Variants in OR10H5 observed in about 807,000 individuals in gnomAD.
OR10H5 encodes olfactory receptor 10H5.
OR10H5 carries 7 observed loss-of-function variants against 12.2 expected under a neutral mutation model. The observed-to-expected ratio is 0.57, with a 90% CI of 0.33 to 1.07. The LOEUF is 1.07. OR10H5 is among the 50% of genes least tolerant of loss of function. The pLI is 0.04. For missense variants in OR10H5, 346 were observed against 411.6 expected (o/e 0.84, Z 1.38); for synonymous variants, 159 against 175.1 (o/e 0.91, Z 0.73).
rs550712516 is a variant in OR10H5, at chr19:15,793,683, C to A, written c.-11-355C>A. 1.1e-4 allele frequency among the ~76,000 whole-genome samples: 16 copies of A among 152,148 alleles called. No individual in the cohort carries two copies. The South Asian group carries it at 2.9e-3, about 28-fold the overall frequency. On this transcript the variant is annotated intron_variant, in intron 1 of 1. Coordinates refer to ENST00000642092, the MANE Select transcript of OR10H5 (RefSeq NM_001004466.2). ...ATCACCTGAGGTCAGGAGTTCGAGA[C>A]CAGCCTGGCCAACATGCTGAAACCC...
At position 15,799,374 on chromosome 19, in the gene OR10H5, G is replaced by A. The variant is rs1407820036; in HGVS notation, c.*4378G>A. 6.6e-6 allele frequency: 1 copy of A among 151,864 alleles called. No homozygotes were observed. Among genetic ancestry groups the A allele is most frequent in the African/African-American group, 2.4e-5 (1 of 41,328 alleles). The allele number at this position is 151,864 out of a possible 1,614,324, so 9.4% of individuals were successfully genotyped here. On this transcript the variant is annotated 3_prime_UTR_variant, in exon 2 of 2. Transcript: ENST00000642092. ...GGGGTATTAGAAGACACTGGCTTTT[G>A]GCAAGAGGAGTCTAGATTCCAGGTT...
rs570575098 is a variant in OR10H5 at position 15,799,426 on chromosome 19, G to A, written c.*4430G>A. The A allele has an allele frequency of 6.6e-6, 1 of 152,164 alleles. No homozygotes were observed. Among genetic ancestry groups the A allele is most frequent in the Non-Finnish European group, 1.5e-5 (1 of 68,014 alleles). The allele number at this position is 152,164 out of a possible 1,614,324, so 9.4% of individuals were successfully genotyped here. ...GGTGCTAACTGACAAAGTATCTTGC[G>A]GCAGGTAGAAATAATCAGTTTTCTT... is the stretch of plus-strand genomic sequence containing the variant. On this transcript the variant is annotated 3_prime_UTR_variant, in exon 2 of 2. Coordinates refer to ENST00000642092, the MANE Select transcript of OR10H5 (RefSeq NM_001004466.2).
At position 15,794,545 on chromosome 19, in the gene OR10H5, T is replaced by C. The variant is rs1600085575; in HGVS notation, c.497T>C (p.Leu166Pro). ...GTGGTGACCTCGGCCATTTTCCACC[T>C]CGCCTTCTGTGGACACAAGGAGATC... ...GMVVTSAIFH[L>P]AFCGHKEIHH... Residue 166 changes from leucine (L) to proline (P), a missense_variant, in exon 2 of 2, where the codon CTC (leucine) becomes CCC (proline). By Grantham distance (98) the Leu-to-Pro change is moderately conservative. Transcript: ENST00000642092. 4 of 1,614,212 alleles carry C rather than the reference T, an allele frequency of 2.5e-6. No homozygotes were observed. In the Admixed American group the frequency reaches 6.7e-5, roughly 27 times the overall value.
intron 1 of OR10H5, among the ~76,000 whole-genome samples, chr19:15,789,786 C>CCT (rs2088801028): frequency 7.3e-6 from 1 of 137,646 alleles, no homozygotes. Context: ...CTTTTCTTTT[C>CCT]TTTTTTTTTT....
Position 15,794,752 on chromosome 19 carries a change from G to A in OR10H5, c.704G>A (p.Arg235Gln), listed in dbSNP as rs763522556. Reference protein sequence around the residue: ...AILKIPSAEGRNKAFSTCASH... With the variant: ...AILKIPSAEGQNKAFSTCASH... The stretch of plus-strand genomic sequence containing the variant: ...TTGAAGATCCCTTCTGCTGAAGGTC[G>A]GAACAAGGCCTTCTCCACCTGTGCC... The change falls in exon 2 of 2, where the codon CGG becomes CAG. Residue 235 changes from arginine to glutamine, a missense_variant. Transcript: ENST00000642092. 7.6e-5 allele frequency: 123 copies of A among 1,613,114 alleles called. 1 individual carries two copies. In the South Asian group the frequency reaches 1.1e-3, roughly 15 times the overall value.
At chr19:15,792,209 T>A (rs562495547) in intron 1 of OR10H5, among the ~76,000 whole-genome samples, 1,568 of 150,058 alleles carry the variant, frequency 0.01, 16 homozygotes, top group Non-Finnish European at 0.016. Context: ...TTCATTATCA[T>A]TTTTTTATTC....
Position 15,794,687 on chromosome 19 carries a change from C to A in OR10H5, c.639C>A (p.Leu213=). ...TCACGGCCCTGCTGGGCTGTTTTCT[C>A]CTCATCCTCCTCTCCTATGCCTTCA... ...VCITALLGCF[L]LILLSYAFIV... Residue 213 remains leucine, a synonymous_variant, in exon 2 of 2, where the codon CTC becomes CTA. Transcript: ENST00000642092. 6.2e-7 allele frequency: 1 copy of A among 1,614,086 alleles called. No individual in the cohort carries two copies. Among genetic ancestry groups the A allele is most frequent in the Non-Finnish European group, 8.5e-7 (1 of 1,179,982 alleles).
chr19:15,793,294 A>G (rs1371874552), intron 1 of OR10H5, among the ~76,000 whole-genome samples: 1 of 151,932 alleles, frequency 6.6e-6, no homozygotes, highest in Admixed American at 6.6e-5. Flanking sequence ...ACATTTTCTT[A>G]TACTTCGTAG....
intron 1 of OR10H5, among the ~76,000 whole-genome samples, chr19:15,791,716 G>A (rs967179488): frequency 4.0e-5 from 6 of 149,542 alleles, no homozygotes; most frequent in South Asian, 2.1e-4. Flanking sequence ...TTTTTGAGAC[G>A]GAGTCTCGCT....
In OR10H5 at chr19:15,795,692, A is replaced by G. The variant is rs1424956406; in HGVS notation, c.*696A>G. The G allele has an allele frequency of 1.3e-5, 2 of 152,400 alleles. No homozygotes were observed. The highest frequency in any genetic ancestry group is 1.3e-4 in the Admixed American group (2 of 15,282). The allele number at this position is 152,400 out of a possible 1,614,324, so 9.4% of individuals were successfully genotyped here. On this transcript the variant is annotated 3_prime_UTR_variant, in exon 2 of 2. Transcript: ENST00000642092. ...GGTTTTGATTTGCATTTCCCCAATG[A>G]CTAATGACAGGCTTTAGGTGCTTAA... is the stretch of plus-strand genomic sequence containing the variant.
Position 15,794,339 on chromosome 19 carries a change from T to G in OR10H5, c.291T>G (p.Cys97Trp). The stretch of plus-strand genomic sequence containing the variant: ...AGCGCTCCATCGCCTTCCTGGCCTG[T>G]GCCAGTCAGATGTTCTTCTCCTTCA... The part of the protein sequence containing the change: ...STQRSIAFLA[C>W]ASQMFFSFSF... Residue 97 changes from cysteine (C) to tryptophan (W), a missense_variant, in exon 2 of 2, where the codon TGT becomes TGG. By Grantham distance (215) the Cys-to-Trp change is radical (BLOSUM62 -2). Transcript: ENST00000642092. The G allele has an allele frequency of 6.2e-7, 1 of 1,614,122 alleles. No individual in the cohort carries two copies. Among genetic ancestry groups the G allele is most frequent in the Non-Finnish European group, 8.5e-7 (1 of 1,180,010 alleles).
In OR10H5 at chr19:15,794,443, A is replaced by C; in HGVS notation, c.395A>C (p.Tyr132Ser). The C allele has an allele frequency of 6.2e-7, 1 of 1,614,240 alleles. No homozygotes were observed. Residue 132 changes from tyrosine to serine, a missense_variant, in exon 2 of 2, where the codon TAC becomes TCC. Physicochemically the swap from Tyr to Ser is moderately radical, Grantham distance 144. Transcript: ENST00000642092. ...RYVAICHPLR[Y>S]NVLMSLRGCT... The stretch of plus-strand genomic sequence containing the variant: ...GTGGCCATCTGCCACCCCCTGCGTT[A>C]CAACGTGCTCATGAGCCTGCGGGGC...
intron 1 of OR10H5, among the ~76,000 whole-genome samples, chr19:15,789,186 C>G (rs1367596488): frequency 6.6e-6 from 1 of 152,180 alleles, no homozygotes; most frequent in East Asian, 1.9e-4. Flanking sequence ...CCAGTTTATT[C>G]CAGCCCCAGA....
At chr19:15,791,551 T>C (rs986859543) in intron 1 of OR10H5, among the ~76,000 whole-genome samples, 7 of 152,042 alleles carry the variant, frequency 4.6e-5, no homozygotes, top group Admixed American at 1.3e-4. Flanking sequence ...TTGATCATCA[T>C]TGATATGAAC....
intron 1 of OR10H5, among the ~76,000 whole-genome samples, chr19:15,789,860 C>T (rs2088801800): frequency 6.7e-6 from 1 of 149,324 alleles, no homozygotes; most frequent in African/African-American, 2.5e-5. Context: ...TGGCTCACTG[C>T]AGCCTCGAAT....
rs2088852615 is a variant in OR10H5 at position 15,798,648 on chromosome 19, C to T, written c.*3652C>T. On this transcript the variant is annotated 3_prime_UTR_variant, in exon 2 of 2. Transcript: ENST00000642092. Reference sequence around the variant, plus strand: ...TTCTTCCCCGGTGCTGGCCTAACCTCCTTGCATGTGGATAAAAATTCAATC... The same window carrying T: ...TTCTTCCCCGGTGCTGGCCTAACCTTCTTGCATGTGGATAAAAATTCAATC... 6.6e-6 allele frequency: 1 copy of T among 152,020 alleles called. No individual in the cohort carries two copies. The highest frequency in any genetic ancestry group is 6.6e-5 in the Admixed American group (1 of 15,250). 9.4% of individuals were successfully genotyped at this position (152,020 alleles called of 1,614,324 possible). A position where few individuals can be genotyped will look rare whatever the true frequency, so the allele number is the denominator to read the frequency against.
Position 15,797,128 on chromosome 19 carries a change from A to C in OR10H5, c.*2132A>C, listed in dbSNP as rs982612071. On this transcript the variant is annotated 3_prime_UTR_variant, in exon 2 of 2. Coordinates refer to ENST00000642092, the MANE Select transcript of OR10H5 (RefSeq NM_001004466.2). ...TGACAGAGCGAGACTCTGTCTCAAA[A>C]AAACAATAAAAAAAAGAAGAAGAAG... 6.6e-6 allele frequency: 1 copy of C among 152,084 alleles called. No individual in the cohort carries two copies. Among genetic ancestry groups the C allele is most frequent in the African/African-American group, 2.4e-5 (1 of 41,386 alleles). 9.4% of individuals were successfully genotyped at this position (152,084 alleles called of 1,614,324 possible).
chr19:15,795,081 C>CCTTTCCTCCCTCCCTCCCTTCCTTCCTT lies in OR10H5; in HGVS notation c.*93_*120dup. ...ATTTCTTTTCCTTTCCTCCCTCCCT[C>CCTTTCCTCCCTCCCTCCCTTCCTTCCTT]CTTTCCTCCCTCCCTCCCTTCCTTC... On this transcript the variant is annotated 3_prime_UTR_variant, in exon 2 of 2. Coordinates refer to ENST00000642092, the MANE Select transcript of OR10H5 (RefSeq NM_001004466.2). 1 of 1,114,274 alleles carries CCTTTCCTCCCTCCCTCCCTTCCTTCCTT rather than the reference C, an allele frequency of 9.0e-7. No homozygotes were observed. The highest frequency in any genetic ancestry group is 1.3e-6 in the Non-Finnish European group (1 of 782,538). The allele number at this position is 1,114,274 out of a possible 1,614,324, so 69.0% of individuals were successfully genotyped here.
rs2088823341 is a variant in OR10H5 at position 15,794,106 on chromosome 19, T to G, written c.58T>G (p.Phe20Val). The part of the protein sequence containing the change: ...SEFILVGFSA[F>V]PHLQLMLFLL... Reference sequence around the variant, plus strand: ...ATTCATCCTCGTTGGCTTCTCTGCCTTCCCCCACCTCCAGCTGATGCTCTT... The same window carrying G: ...ATTCATCCTCGTTGGCTTCTCTGCCGTCCCCCACCTCCAGCTGATGCTCTT... The change falls in exon 2 of 2, where the codon TTC (phenylalanine) becomes GTC (valine). Residue 20 changes from phenylalanine (F) to valine (V), a missense_variant. Phe to Val is a conservative substitution (Grantham distance 50). Coordinates refer to ENST00000642092, the MANE Select transcript of OR10H5 (RefSeq NM_001004466.2). The G allele has an allele frequency of 6.2e-7, 1 of 1,613,970 alleles. No individual in the cohort carries two copies. Among genetic ancestry groups the G allele is most frequent in the Non-Finnish European group, 8.5e-7 (1 of 1,180,024 alleles).
Sources: allele counts gnomAD v4.1 joint callset (sites outside exome capture counted in the v4.1 genomes callset), GRCh38; gene constraint gnomAD v4.1.1; transcripts MANE v1.5; gene names NCBI Gene and HGNC (gene_info 2026-07-23, HGNC 2026-07-21).